The following SLC2A9 variants were observed in gnomAD, a reference collection of about 807,000 sequenced individuals.
The protein encoded by SLC2A9 is solute carrier family 2 member 9, also known as solute carrier family 2, facilitated glucose transporter member 9.
Under a neutral mutation model 50.6 loss-of-function variants are expected in SLC2A9, and 39 were observed. The observed-to-expected ratio is 0.77, with a 90% CI of 0.60 to 1.01. The LOEUF (loss-of-function observed/expected upper bound fraction) is 1.01, where lower values mean the gene tolerates loss of function less well. Ranked by LOEUF, SLC2A9 falls within the 50% of genes least tolerant of loss-of-function variation. The pLI is 0.00. For missense variants in SLC2A9, 686 were observed against 677.6 expected, an observed-to-expected ratio of 1.01 and a Z score of -0.14; for synonymous variants, 324 against 276.9, an observed-to-expected ratio of 1.17 and a Z score of -1.69.
chr4:9,827,623 T>C (rs1283595070), intron 11 of SLC2A9, among the ~76,000 whole-genome samples: 1 of 152,192 alleles, frequency 6.6e-6, no homozygotes, highest in East Asian at 1.9e-4. Flanking sequence ...CTGAGACTCT[T>C]TGTCCCTCAG....
Position 9,952,550 on chromosome 4 carries a change from T to A in SLC2A9, c.682-10505A>T, listed in dbSNP as rs554637470. Among the ~76,000 whole-genome samples the A allele has an allele frequency of 7.8e-3, 1,182 of 151,022 alleles. 10 individuals are homozygous for A. Among genetic ancestry groups the A allele is most frequent in the Middle Eastern group, 0.027 (8 of 294 alleles). On this transcript the variant is annotated intron_variant, in intron 5 of 11. Coordinates refer to ENST00000264784, the MANE Select transcript of SLC2A9 (RefSeq NM_020041.3). The stretch of plus-strand genomic sequence containing the variant: ...GATCTGTCTGTCTTTTTTTTTTTTT[T>A]AAAGACAGGATCTCATTCAGTCTCC...
intron 10 of SLC2A9, among the ~76,000 whole-genome samples, chr4:9,877,951 G>A (rs1734561237): frequency 6.6e-6 from 1 of 152,058 alleles, no homozygotes; most frequent in Admixed American, 6.6e-5. Flanking sequence ...TTCCTCCTCG[G>A]GGTCAGCCGG....
At chr4:9,778,439 G>A (rs1332509001), downstream of SLC2A9, among the ~76,000 whole-genome samples, 1 of 152,022 alleles carries the variant, frequency 6.6e-6, no homozygotes, top group East Asian at 1.9e-4. Flanking sequence ...CATTTCTTAA[G>A]TTGTGTGAAG....
At chr4:9,796,492 C>T (rs1720612030), downstream of SLC2A9, among the ~76,000 whole-genome samples, 1 of 152,202 alleles carries the variant, frequency 6.6e-6, no homozygotes, top group African/African-American at 2.4e-5. Flanking sequence ...TTATGCAGTG[C>T]TGTAAGGATT....
At chr4:10,010,765 G>A (rs1361677069) in intron 2 of SLC2A9, among the ~76,000 whole-genome samples, 1 of 152,162 alleles carries the variant, frequency 6.6e-6, no homozygotes, top group Non-Finnish European at 1.5e-5. Context: ...GATTAGCCCT[G>A]AACTGTCCCG....
intron 5 of SLC2A9, among the ~76,000 whole-genome samples, chr4:9,953,938 T>C (rs1405273986): frequency 6.6e-6 from 1 of 152,154 alleles, no homozygotes; most frequent in Non-Finnish European, 1.5e-5. Context: ...GCCTCCCGAG[T>C]AGCTGGGATT....
At chr4:9,934,405 C>T (rs1746693708) in intron 6 of SLC2A9, among the ~76,000 whole-genome samples, 1 of 152,318 alleles carries the variant, frequency 6.6e-6, no homozygotes, top group East Asian at 1.9e-4. Context: ...TCTCAAACTA[C>T]TTTGCCCTGC....
downstream of SLC2A9, among the ~76,000 whole-genome samples, chr4:9,794,126 G>C (rs910303508): frequency 2.6e-5 from 4 of 151,406 alleles, no homozygotes; most frequent in African/African-American, 9.7e-5. Context: ...ATTAGGATTT[G>C]TGCAGAGCGA....
At chr4:10,037,126 T>C (rs1232100525) in intron 1 of SLC2A9, among the ~76,000 whole-genome samples, 1 of 152,242 alleles carries the variant, frequency 6.6e-6, no homozygotes, top group Non-Finnish European at 1.5e-5. Context: ...TTATGTACCA[T>C]AAAATGCACT....
chr4:9,977,025 C>A (rs1754915840), intron 5 of SLC2A9, among the ~76,000 whole-genome samples: 2 of 152,272 alleles, frequency 1.3e-5, no homozygotes, highest in Non-Finnish European at 2.9e-5. Context: ...CTCACTCAAC[C>A]TCATCTGCCT....
intron 6 of SLC2A9, among the ~76,000 whole-genome samples, chr4:9,920,865 A>G (rs1263913175): frequency 1.3e-5 from 2 of 152,234 alleles, no homozygotes; most frequent in Non-Finnish European, 2.9e-5. Context: ...CCAGAGTTCA[A>G]ACCCGTCTAT....
chr4:9,889,768 G>A lies in SLC2A9; in HGVS notation c.1215+842C>T, dbSNP rs76701040. ...ATCAATTGCTGCAACCTTGCTTCAC[G>A]CTTCCCATGGCACCAAGATGAGTTG... On this transcript the variant is annotated intron_variant, in intron 9 of 11. Transcript: ENST00000264784. Among the ~76,000 whole-genome samples the A allele has an allele frequency of 9.2e-5, 14 of 152,318 alleles. No individual in the cohort carries two copies. In the East Asian group the frequency reaches 9.6e-4, roughly 10 times the overall value.
intron 3 of SLC2A9, chr4:9,783,317 G>A: frequency 6.2e-7 from 1 of 1,614,256 alleles, no homozygotes; most frequent in East Asian, 2.2e-5. Flanking sequence ...CAACGACGAG[G>A]AGGAGGGTCC....
chr4:9,909,321 C>T (rs549496763), intron 7 of SLC2A9, among the ~76,000 whole-genome samples: 8 of 152,306 alleles, frequency 5.3e-5, no homozygotes, highest in African/African-American at 1.9e-4. Flanking sequence ...GACACACTTA[C>T]ATTGAGTGTG....
chr4:9,774,724 CCTT>C (rs1207387309), intron 1 of SLC2A9, among the ~76,000 whole-genome samples: 3 of 152,080 alleles, frequency 2.0e-5, no homozygotes, highest in South Asian at 2.1e-4. Flanking sequence ...TTCCTCTCCT[CCTT>C]CTCATTTTCC....
intron 3 of SLC2A9, among the ~76,000 whole-genome samples, chr4:9,812,190 T>C (rs1011685677): frequency 6.6e-6 from 1 of 152,232 alleles, no homozygotes; most frequent in African/African-American, 2.4e-5. Flanking sequence ...AGTTCCTATA[T>C]CTCTCAACAA....
At position 9,941,910 on chromosome 4, in the gene SLC2A9, C is replaced by A; in HGVS notation, c.814+3G>T. ...GCTGTGCAGGAAAGGGAAGGGCCCT[C>A]ACCTTTCACAGCTCTTGCCTCGTTG... On this transcript the variant is annotated splice_donor_region_variant and intron_variant, in intron 6 of 11. Coordinates refer to ENST00000264784, the MANE Select transcript of SLC2A9 (RefSeq NM_020041.3). 1 of 1,614,060 alleles carries A rather than the reference C, an allele frequency of 6.2e-7. No individual in the cohort carries two copies. Among genetic ancestry groups the A allele is most frequent in the Non-Finnish European group, 8.5e-7 (1 of 1,179,946 alleles).
At chr4:9,906,443 C>CA (rs545698476) in intron 8 of SLC2A9, among the ~76,000 whole-genome samples, 147 of 151,996 alleles carry the variant, frequency 9.7e-4, no homozygotes, top group Non-Finnish European at 1.8e-3. Context: ...TACACTTCAA[C>CA]AAAAAAATAA....
chr4:9,891,571 C>T (rs939433226), intron 8 of SLC2A9, among the ~76,000 whole-genome samples: 2 of 152,284 alleles, frequency 1.3e-5, no homozygotes, highest in East Asian at 1.9e-4. Context: ...AGGTTAGGTA[C>T]TCGGATTATG....
Sources: gnomAD v4.1 joint callset for allele counts (sites outside exome capture counted in the v4.1 genomes callset) on GRCh38, gnomAD v4.1.1 for gene constraint, MANE v1.5 for transcripts, NCBI Gene and HGNC (gene_info 2026-07-23, HGNC 2026-07-21) for gene names.